Variants in FMN1 observed in about 807,000 individuals in gnomAD.
The protein encoded by FMN1 is formin-1.
A neutral mutation model predicts 132.4 loss-of-function variants in FMN1; 110 were observed. That is an observed-to-expected ratio of 0.83 (90% CI 0.71 to 0.97). The LOEUF (loss-of-function observed/expected upper bound fraction) is 0.97, where lower values mean the gene tolerates loss of function less well. Among genes scored for constraint, FMN1 ranks in the 50% least tolerant of loss-of-function variants. The pLI is 0.00. For missense variants in FMN1, 1,792 were observed against 1,705.3 expected (o/e 1.05, Z -0.90); for synonymous variants, 722 against 651.7 (o/e 1.11, Z -1.64).
intron 17 of FMN1, among the ~76,000 whole-genome samples, chr15:32,839,096 G>T (rs1336380496): frequency 6.6e-6 from 1 of 152,090 alleles, no homozygotes; most frequent in East Asian, 1.9e-4. Context: ...GACAGAGGAG[G>T]ACTAGGAAGA....
intron 19 of FMN1, among the ~76,000 whole-genome samples, chr15:32,790,566 A>G (rs1228467041): frequency 6.6e-6 from 1 of 152,204 alleles, no homozygotes; most frequent in Non-Finnish European, 1.5e-5. Flanking sequence ...CATTTTTACA[A>G]TGACCTCCAG....
intron 7 of FMN1, among the ~76,000 whole-genome samples, chr15:32,975,014 C>T (rs564433693): frequency 6.8e-4 from 104 of 152,310 alleles, no homozygotes; most frequent in Non-Finnish European, 1.1e-3. Flanking sequence ...TTTTCCTATG[C>T]TATACCACTA....
chr15:33,023,138 C>T (rs1366359696), intron 6 of FMN1, among the ~76,000 whole-genome samples: 1 of 145,638 alleles, frequency 6.9e-6, no homozygotes. Context: ...AAATCTGCAA[C>T]ATTCACATAC....
chr15:32,997,308 G>T (rs552764789), intron 7 of FMN1, among the ~76,000 whole-genome samples: 1 of 149,280 alleles, frequency 6.7e-6, no homozygotes, highest in Admixed American at 6.7e-5. Flanking sequence ...TAACACTACA[G>T]AAATATCACC....
chr15:32,883,466 T>C (rs2059818127), intron 16 of FMN1, among the ~76,000 whole-genome samples: 1 of 135,206 alleles, frequency 7.4e-6, no homozygotes, highest in South Asian at 2.3e-4. Context: ...GCCATGATTG[T>C]GCTGTTACTC....
chr15:33,097,442 G>A (rs1440835808), intron 4 of FMN1, among the ~76,000 whole-genome samples: 1 of 151,986 alleles, frequency 6.6e-6, no homozygotes, highest in Non-Finnish European at 1.5e-5. Context: ...CTCCCCAGCA[G>A]GATAAATACA....
intron 7 of FMN1, among the ~76,000 whole-genome samples, chr15:32,992,906 T>C (rs1439079593): frequency 6.6e-6 from 1 of 152,210 alleles, no homozygotes; most frequent in African/African-American, 2.4e-5. Context: ...GACCAAGTAA[T>C]ACTAATTTAA....
intron 17 of FMN1, among the ~76,000 whole-genome samples, chr15:32,837,808 C>T (rs566891281): frequency 6.6e-6 from 1 of 152,198 alleles, no homozygotes; most frequent in South Asian, 2.1e-4. Flanking sequence ...GCTGAATGAA[C>T]AACTGAAAAA....
At chr15:33,014,790 A>G (rs2034941961) in intron 6 of FMN1, among the ~76,000 whole-genome samples, 1 of 152,246 alleles carries the variant, frequency 6.6e-6, no homozygotes, top group East Asian at 1.9e-4. Flanking sequence ...GTGTCATTAC[A>G]AAGTTTGTGC....
chr15:32,979,772 T>A (rs2032504042), intron 7 of FMN1, among the ~76,000 whole-genome samples: 1 of 152,060 alleles, frequency 6.6e-6, no homozygotes, highest in African/African-American at 2.4e-5. Context: ...ATGCATTTGA[T>A]TCATCCAGCA....
rs1194041207 is a variant in FMN1, at chr15:32,765,968, G to A, written c.*8342C>T. The A allele has an allele frequency of 1.3e-5, 2 of 152,040 alleles. No individual in the cohort carries two copies. The highest frequency in any genetic ancestry group is 4.8e-5 in the African/African-American group (2 of 41,390). 9.4% of individuals were successfully genotyped at this position (152,040 alleles called of 1,614,324 possible). ...AAATATGCAAACAAATTAGAAATAC[G>A]TATTTTTAAAAATGCAAAGGGAAAA... On this transcript the variant is annotated 3_prime_UTR_variant, in exon 21 of 21. Transcript: ENST00000616417.
chr15:32,810,571 A>G (rs963897004), intron 17 of FMN1, among the ~76,000 whole-genome samples: 5 of 152,208 alleles, frequency 3.3e-5, no homozygotes, highest in African/African-American at 4.8e-5. Context: ...AAATAAAATG[A>G]TATTTCCATA....
chr15:33,098,658 C>T lies in FMN1; in HGVS notation c.1868-9684G>A, dbSNP rs544294008. Among the ~76,000 whole-genome samples, 31 of 152,228 alleles carry T rather than the reference C, an allele frequency of 2.0e-4. No individual in the cohort carries two copies. The Middle Eastern group carries it at 0.01, about 50-fold the overall frequency. ...TAGACAACCAATGATTATGAGACAG[C>T]GGAGGAGAATTTCTAACATAAAGAG... On this transcript the variant is annotated intron_variant, in intron 4 of 20. Coordinates refer to ENST00000616417, the MANE Select transcript of FMN1 (RefSeq NM_001277313.2).
chr15:32,905,368 T>C (rs964744530), intron 12 of FMN1, among the ~76,000 whole-genome samples: 1 of 152,230 alleles, frequency 6.6e-6, no homozygotes, highest in Non-Finnish European at 1.5e-5. Flanking sequence ...AGGATTACAC[T>C]AACAGAGTCT....
intron 9 of FMN1, among the ~76,000 whole-genome samples, chr15:32,932,075 G>T (rs1253031088): frequency 6.6e-6 from 1 of 152,138 alleles, no homozygotes; most frequent in Non-Finnish European, 1.5e-5. Context: ...ACTTGGTGAT[G>T]GTATATGATC....
chr15:33,127,654 A>C (rs1963225818), intron 4 of FMN1, among the ~76,000 whole-genome samples: 1 of 152,200 alleles, frequency 6.6e-6, no homozygotes, highest in African/African-American at 2.4e-5. Context: ...GCACCATTCC[A>C]ACTGAAGCTT....
At chr15:32,940,458 T>C (rs1216969578) in intron 9 of FMN1, among the ~76,000 whole-genome samples, 1 of 151,396 alleles carries the variant, frequency 6.6e-6, no homozygotes, top group Non-Finnish European at 1.5e-5. Context: ...CAAAGACTAG[T>C]TTAAAGAGGG....
At chr15:32,826,591 ACAACAAGGGAGT>A (rs978999326) in intron 17 of FMN1, among the ~76,000 whole-genome samples, 2 of 152,150 alleles carry the variant, frequency 1.3e-5, no homozygotes, top group African/African-American at 4.8e-5. Context: ...AGTAGTGAGA[ACAACAAGGGAGT>A]CTCTCTTCAT....
intron 5 of FMN1, among the ~76,000 whole-genome samples, chr15:33,077,172 G>A (rs2038244838): frequency 6.6e-6 from 1 of 151,996 alleles, no homozygotes; most frequent in Non-Finnish European, 1.5e-5. Flanking sequence ...GGGACCACAC[G>A]TGCATGCCAC....
Sources: allele counts gnomAD v4.1 joint callset (sites outside exome capture counted in the v4.1 genomes callset), GRCh38; gene constraint gnomAD v4.1.1; transcripts MANE v1.5; gene names NCBI Gene and HGNC (gene_info 2026-07-23, HGNC 2026-07-21).